The following KANTR variants were observed in gnomAD, a reference collection of about 807,000 sequenced individuals.
KANTR encodes KANTR integral membrane protein, also known as KDM5C adjacent transcript.
intron 1 of KANTR, among the ~76,000 whole-genome samples, chrX:53,097,744 CAT>C (rs1405790924): frequency 9.2e-6 from 1 of 108,650 alleles, no homozygotes; most frequent in African/African-American, 3.3e-5. Context: ...AGATTCCCCA[CAT>C]GTTAAGAAAT....
At chrX:53,140,242 A>G (rs1363725333) in intron 2 of KANTR, among the ~76,000 whole-genome samples, 2 of 111,922 alleles carry the variant, frequency 1.8e-5, no homozygotes, top group African/African-American at 6.5e-5. Flanking sequence ...CACGCCTGCA[A>G]TCCCAGCACT....
At chrX:53,138,705 TA>T (rs781934985) in intron 2 of KANTR, among the ~76,000 whole-genome samples, 4,092 of 92,330 alleles carry the variant, frequency 0.044, 92 homozygotes, top group Admixed American at 0.1. Flanking sequence ...AATTCTGTCT[TA>T]AAAAAAAAAA....
At chrX:53,116,967 T>TA (rs1556814659) in intron 2 of KANTR, among the ~76,000 whole-genome samples, 1 of 111,751 alleles carries the variant, frequency 8.9e-6, no homozygotes. Flanking sequence ...ATGCTGTTCA[T>TA]ATAACATATA....
At chrX:53,147,081 A>G (rs923579773), downstream of KANTR, among the ~76,000 whole-genome samples, 14 of 111,872 alleles carry the variant, frequency 1.3e-4, no homozygotes, top group Middle Eastern at 9.2e-3. Flanking sequence ...ATAACCAGCT[A>G]ACATCATAAT....
At chrX:53,142,799 G>A (rs1933522109), downstream of KANTR, 9 of 469,505 alleles carry the variant, frequency 1.9e-5, no homozygotes, top group South Asian at 2.4e-4. Flanking sequence ...ATACCTGATG[G>A]CTAACCCACA....
intron 2 of KANTR, among the ~76,000 whole-genome samples, chrX:53,105,854 CTTTTTTTTTT>C (rs1181859013): frequency 2.8e-5 from 2 of 72,070 alleles, no homozygotes; most frequent in African/African-American, 5.7e-5. Flanking sequence ...ATGTTTTTTT[CTTTTTTTTTT>C]TTTTTTTTTT....
chrX:53,112,243 G>A (rs1170866156), intron 2 of KANTR, among the ~76,000 whole-genome samples: 1 of 111,781 alleles, frequency 8.9e-6, no homozygotes, highest in Non-Finnish European at 1.9e-5. Flanking sequence ...CCATTCCTGA[G>A]TTACTTCACT....
At chrX:53,106,666 T>C (rs1004677237) in intron 2 of KANTR, among the ~76,000 whole-genome samples, 2 of 110,819 alleles carry the variant, frequency 1.8e-5, no homozygotes, top group Admixed American at 1.9e-4. Context: ...CCTCCCAAAG[T>C]GCTGGGATTA....
chrX:53,116,470 CAA>C (rs1933125518), intron 2 of KANTR, among the ~76,000 whole-genome samples: 1 of 111,976 alleles, frequency 8.9e-6, no homozygotes, highest in Non-Finnish European at 1.9e-5. Flanking sequence ...CAGAGCTTTT[CAA>C]AGTTTCCTAT....
chrX:53,094,765 A>T (rs1424822875), intron 1 of KANTR: 1 of 111,885 alleles, frequency 8.9e-6, no homozygotes, highest in African/African-American at 3.3e-5. Flanking sequence ...GGGTCTGATA[A>T]TGTGTACCTG....
intron 2 of KANTR, among the ~76,000 whole-genome samples, chrX:53,121,953 C>T (rs1460698077): frequency 9.0e-6 from 1 of 111,563 alleles, no homozygotes; most frequent in Non-Finnish European, 1.9e-5. Flanking sequence ...AGCCCACCCT[C>T]AAGTAGGTGG....
intron 2 of KANTR, among the ~76,000 whole-genome samples, chrX:53,132,526 CACAA>C (rs1933371902): frequency 8.9e-6 from 1 of 112,242 alleles, no homozygotes. Context: ...CTTTAGGTTT[CACAA>C]ACAGACAAAA....
intron 2 of KANTR, among the ~76,000 whole-genome samples, chrX:53,102,549 G>A (rs1290568256): frequency 3.6e-5 from 4 of 112,209 alleles, no homozygotes; most frequent in African/African-American, 9.7e-5. Flanking sequence ...CTATCAGGAG[G>A]CATGTGATGT....
At chrX:53,122,445 T>G (rs1556815628) in intron 2 of KANTR, among the ~76,000 whole-genome samples, 1 of 111,698 alleles carries the variant, frequency 9.0e-6, no homozygotes, top group Non-Finnish European at 1.9e-5. Context: ...TTATTTTTCT[T>G]GTCGTACTGA....
intron 1 of KANTR, among the ~76,000 whole-genome samples, chrX:53,097,172 A>G (rs1932850451): frequency 9.1e-6 from 1 of 110,229 alleles, no homozygotes; most frequent in Admixed American, 9.7e-5. Flanking sequence ...CCTCTCAGTG[A>G]GAACCATTGC....
intron 2 of KANTR, among the ~76,000 whole-genome samples, chrX:53,105,089 T>C (rs1932932027): frequency 9.0e-6 from 1 of 110,819 alleles, no homozygotes; most frequent in Admixed American, 9.7e-5. Flanking sequence ...TTTGCCATGT[T>C]GCCCAGGCTG....
At chrX:53,144,092 A>G (rs1170643386), downstream of KANTR, among the ~76,000 whole-genome samples, 1 of 112,245 alleles carries the variant, frequency 8.9e-6, no homozygotes, top group East Asian at 2.8e-4. Context: ...ATATAACAAT[A>G]GAATTACTTA....
In KANTR at chrX:53,117,609, G is replaced by GTT. The variant is rs869034016; in HGVS notation, c.-804-5836_-804-5835dup. ...TCATACTGTGTGTGTGTGTGTGTGT[G>GTT]TTTTTTTTTTTTTTTTTTTTTTTTT... is the stretch of plus-strand genomic sequence containing the variant. On this transcript the variant is annotated intron_variant, in intron 2 of 2. Coordinates refer to ENST00000604062, the Ensembl canonical transcript of KANTR. Among the ~76,000 whole-genome samples, 342 of 63,756 alleles carry GTT rather than the reference G, an allele frequency of 5.4e-3. 8 individuals carry two copies. The highest frequency in any genetic ancestry group is 0.022 in the African/African-American group (316 of 14,480). The allele number at this position is 63,756 out of a possible 115,157, so 55.4% of individuals were successfully genotyped here.
chrX:53,129,830 A>G (rs1245825510), downstream of KANTR, among the ~76,000 whole-genome samples: 2 of 104,787 alleles, frequency 1.9e-5, no homozygotes, highest in Non-Finnish European at 3.9e-5. Context: ...ATGTCTTTTT[A>G]AAAAGTGTTC....
Sources: allele counts gnomAD v4.1 joint callset (sites outside exome capture counted in the v4.1 genomes callset), GRCh38; gene constraint gnomAD v4.1.1; transcripts MANE v1.5; gene names NCBI Gene and HGNC (gene_info 2026-07-23, HGNC 2026-07-21).